Variants in DPP6 observed in about 807,000 individuals in gnomAD.
DPP6 encodes dipeptidyl peptidase like 6.
A neutral mutation model predicts 122.6 loss-of-function variants in DPP6; 69 were observed. That is an observed-to-expected ratio of 0.56 (90% confidence interval 0.46 to 0.69). DPP6 has a LOEUF of 0.69. DPP6 is among the 30% of genes least tolerant of loss of function. DPP6 has a pLI of 0.00. For missense variants in DPP6, 928 were observed against 1,116.9 expected (o/e 0.83, Z 2.41); for synonymous variants, 418 against 433.1 (o/e 0.97, Z 0.43).
intron 1 of DPP6, among the ~76,000 whole-genome samples, chr7:154,237,473 C>T (rs1256376765): frequency 6.6e-6 from 1 of 152,118 alleles, no homozygotes; most frequent in Non-Finnish European, 1.5e-5. Context: ...CATCTGGGCC[C>T]CAATGAGCTT....
At chr7:154,376,679 C>T (rs1813155367) in intron 1 of DPP6, among the ~76,000 whole-genome samples, 1 of 152,168 alleles carries the variant, frequency 6.6e-6, no homozygotes, top group African/African-American at 2.4e-5. Context: ...TTCAGGTATC[C>T]AGCAGTAGTT....
chr7:154,799,526 T>A (rs1426200253), intron 12 of DPP6, among the ~76,000 whole-genome samples: 1 of 152,204 alleles, frequency 6.6e-6, no homozygotes, highest in Non-Finnish European at 1.5e-5. Context: ...CATGGATCCA[T>A]TTCTGACTGT....
intron 16 of DPP6, among the ~76,000 whole-genome samples, chr7:154,817,339 T>C (rs1587234311): frequency 6.6e-6 from 1 of 152,046 alleles, no homozygotes; most frequent in South Asian, 2.1e-4. Flanking sequence ...GATGATGTCA[T>C]GAAAGTCGTA....
At chr7:153,933,021 G>A (rs1375016113) in intron 1 of DPP6, among the ~76,000 whole-genome samples, 1 of 152,194 alleles carries the variant, frequency 6.6e-6, no homozygotes, top group African/African-American at 2.4e-5. Flanking sequence ...TCTCTTGCCT[G>A]CCGCCATGTA....
chr7:153,806,812 C>T, the DPP6 span, among the ~76,000 whole-genome samples: 1 of 151,240 alleles, frequency 6.6e-6, no homozygotes, highest in African/African-American at 2.5e-5. Context: ...GAAGGTTGAC[C>T]TAGTTTCAGA....
chr7:154,236,274 C>A (rs1323484457), intron 1 of DPP6, among the ~76,000 whole-genome samples: 7 of 152,044 alleles, frequency 4.6e-5, no homozygotes, highest in African/African-American at 1.5e-4. Context: ...TTTTAAACAC[C>A]CTTAAAAGCT....
At chr7:154,161,460 G>A (rs1393245927) in intron 1 of DPP6, among the ~76,000 whole-genome samples, 1 of 151,802 alleles carries the variant, frequency 6.6e-6, no homozygotes, top group Admixed American at 6.6e-5. Flanking sequence ...TCATACCATC[G>A]CACCCCAGCC....
chr7:153,849,331 C>A, the DPP6 span, among the ~76,000 whole-genome samples: 1 of 151,698 alleles, frequency 6.6e-6, no homozygotes, highest in Non-Finnish European at 1.5e-5. Context: ...ACAATTATAC[C>A]CACAACTCCC....
chr7:154,567,049 T>G lies in DPP6; in HGVS notation c.627+133T>G, dbSNP rs191449146. 4.4e-6 allele frequency: 3 copies of G among 674,772 alleles called. No individual in the cohort carries two copies. In the African/African-American group the frequency reaches 5.5e-5, roughly 12 times the overall value. The allele number at this position is 674,772 out of a possible 1,614,324, so 41.8% of individuals were successfully genotyped here. A position where few individuals can be genotyped will look rare whatever the true frequency, so the allele number is the denominator to read the frequency against. On this transcript the variant is annotated intron_variant, in intron 5 of 25. Transcript: ENST00000377770. ...ATACTTTGTACATCCTGGAAGTCTC[T>G]TTTGCATATCATACTGCCACCTAGG...
chr7:154,265,915 A>G (rs1188041674), intron 1 of DPP6, among the ~76,000 whole-genome samples: 1 of 152,228 alleles, frequency 6.6e-6, no homozygotes, highest in Admixed American at 6.5e-5. Flanking sequence ...AGAAAAGACA[A>G]TTATCTAAAA....
intron 1 of DPP6, among the ~76,000 whole-genome samples, chr7:154,223,544 G>T (rs1219968155): frequency 1.3e-5 from 2 of 149,384 alleles, no homozygotes; most frequent in Non-Finnish European, 2.9e-5. Context: ...AGCAAGATCA[G>T]CCAAGCCCCC....
intron 8 of DPP6, among the ~76,000 whole-genome samples, chr7:154,748,965 T>C (rs901610921): frequency 1.3e-5 from 2 of 151,954 alleles, no homozygotes; most frequent in Admixed American, 6.6e-5. Flanking sequence ...CAGGATGGCA[T>C]GGAAAGGGAT....
At chr7:154,729,108 C>T (rs538021515) in intron 8 of DPP6, among the ~76,000 whole-genome samples, 7 of 152,310 alleles carry the variant, frequency 4.6e-5, no homozygotes, top group South Asian at 4.1e-4. Flanking sequence ...TGGGGAAAGG[C>T]GTTGTCCAAG....
chr7:154,321,277 T>TA (rs557107236), intron 1 of DPP6, among the ~76,000 whole-genome samples: 10,219 of 140,472 alleles, frequency 0.073, 560 homozygotes, highest in African/African-American at 0.16. Flanking sequence ...ACCCTGTCTT[T>TA]AAAAAAAAAA....
Position 154,760,736 on chromosome 7 carries a change from C to T in DPP6, c.884-8681C>T, listed in dbSNP as rs569848573. ...CAGGCCCAGAAGTTCTGGAAGCTCC[C>T]TCAGGTGCCCACAACACAAATGAAG... On this transcript the variant is annotated intron_variant, in intron 8 of 25. Transcript: ENST00000377770. The surrounding 1 kb of genome is among the most constrained non-coding windows in gnomAD (Gnocchi z 4.5). Among the ~76,000 whole-genome samples the T allele has an allele frequency of 1.3e-5, 2 of 151,980 alleles. No individual in the cohort carries two copies. Among genetic ancestry groups the T allele is most frequent in the African/African-American group, 4.8e-5 (2 of 41,366 alleles).
the DPP6 span, among the ~76,000 whole-genome samples, chr7:153,806,652 T>C: frequency 1.3e-5 from 2 of 152,204 alleles, 1 homozygote; most frequent in South Asian, 4.2e-4. Context: ...CCTGTACAAC[T>C]GTAGCAAATA....
chr7:153,824,636 A>G, the DPP6 span, among the ~76,000 whole-genome samples: 1 of 151,980 alleles, frequency 6.6e-6, no homozygotes, highest in African/African-American at 2.4e-5. Flanking sequence ...GTGAGCTGAG[A>G]TCACACCATT....
chr7:153,836,925 C>T, the DPP6 span, among the ~76,000 whole-genome samples: 1 of 152,190 alleles, frequency 6.6e-6, no homozygotes, highest in East Asian at 1.9e-4. Context: ...TACCCTCTAT[C>T]TTGTGGCTCA....
At chr7:154,792,403 AAAGC>A (rs1199415741) in intron 10 of DPP6, among the ~76,000 whole-genome samples, 6 of 152,294 alleles carry the variant, frequency 3.9e-5, no homozygotes, top group African/African-American at 1.4e-4. Flanking sequence ...TGTTCTATGT[AAAGC>A]AAGGGCTAGG....
Sources: gnomAD v4.1 joint callset for allele counts (sites outside exome capture counted in the v4.1 genomes callset) on GRCh38, gnomAD v4.1.1 for gene constraint, Gnocchi (gnomAD v3.1) non-coding constraint, MANE v1.5 for transcripts, NCBI Gene and HGNC (gene_info 2026-07-23, HGNC 2026-07-21) for gene names.